Variants in TENM4 observed in about 807,000 individuals in gnomAD.
TENM4 encodes the protein teneurin transmembrane protein 4.
In TENM4, 82 loss-of-function variants were observed where a neutral mutation model predicts 243.3. The observed-to-expected ratio is 0.34, with a 90% CI of 0.28 to 0.40. The LOEUF is 0.40. Among genes scored for constraint, TENM4 ranks in the 10% least tolerant of loss-of-function variants. The pLI, the probability that TENM4 is intolerant of heterozygous loss-of-function variation, is 1.00. For missense variants in TENM4, 3,138 were observed against 3,673.3 expected, an observed-to-expected ratio of 0.85 and a Z score of 3.77; for synonymous variants, 1,412 against 1,456.3, an observed-to-expected ratio of 0.97 and a Z score of 0.69.
chr11:78,909,904 T>TG (rs1306084676), intron 6 of TENM4, among the ~76,000 whole-genome samples: 4 of 151,526 alleles, frequency 2.6e-5, no homozygotes, highest in African/African-American at 4.9e-5. Flanking sequence ...ATCCAGAGGG[T>TG]GGGGGGTCAC....
chr11:78,977,952 C>T (rs556499982), intron 6 of TENM4, among the ~76,000 whole-genome samples: 1 of 152,242 alleles, frequency 6.6e-6, no homozygotes, highest in South Asian at 2.1e-4. Context: ...TTGGAGCCAA[C>T]CCAAATGCTC....
chr11:79,222,093 A>C (rs1295441855), intron 2 of TENM4, among the ~76,000 whole-genome samples: 1 of 152,252 alleles, frequency 6.6e-6, no homozygotes, highest in Non-Finnish European at 1.5e-5. Flanking sequence ...GTGTGCTGTG[A>C]AAATCTGAAC....
At chr11:78,984,170 A>T (rs1395181809) in intron 6 of TENM4, among the ~76,000 whole-genome samples, 2 of 152,176 alleles carry the variant, frequency 1.3e-5, no homozygotes, top group Non-Finnish European at 2.9e-5. Flanking sequence ...GTAATCTGTA[A>T]TAGGTGACTT....
chr11:79,408,827 T>C (rs1858627232), intron 1 of TENM4, among the ~76,000 whole-genome samples: 2 of 152,178 alleles, frequency 1.3e-5, no homozygotes, highest in Non-Finnish European at 2.9e-5. Flanking sequence ...AGGGCAGCTC[T>C]TTTCCCAGCA....
At chr11:79,181,502 C>A (rs987842847) in intron 3 of TENM4, among the ~76,000 whole-genome samples, 1 of 152,050 alleles carries the variant, frequency 6.6e-6, no homozygotes, top group Admixed American at 6.5e-5. Flanking sequence ...GAGAGAAATT[C>A]AAAGCTTTTC....
At chr11:79,259,636 CCCAT>C (rs71050215) in intron 2 of TENM4, among the ~76,000 whole-genome samples, 4 of 141,866 alleles carry the variant, frequency 2.8e-5, no homozygotes, top group Admixed American at 1.4e-4. Context: ...CATCCACTCC[CCCAT>C]CCATCCATCC....
At chr11:78,672,450 T>C in intron 30 of TENM4, 121 bp from the exon 31 acceptor site, 1 of 1,034,420 alleles carries the variant, frequency 9.7e-7, no homozygotes, top group Admixed American at 2.5e-5. Flanking sequence ...AGCACAGTCC[T>C]GCGCAGCAAC....
chr11:78,935,999 T>C (rs1400166697), intron 6 of TENM4, among the ~76,000 whole-genome samples: 1 of 152,210 alleles, frequency 6.6e-6, no homozygotes, highest in African/African-American at 2.4e-5. Context: ...TGATTCCATC[T>C]GTAAAATTCA....
Position 79,072,956 on chromosome 11 carries a change from T to C in TENM4, c.-65-2947A>G, listed in dbSNP as rs143287255. 2.1e-3 allele frequency among the ~76,000 whole-genome samples: 317 copies of C among 152,358 alleles called. 5 individuals are homozygous for C. Among genetic ancestry groups the C allele is most frequent in the Middle Eastern group, 0.017 (5 of 294 alleles). ...ATATTTAATTATTGCTTGCTTTTAC[T>C]ATGATTATATATAACATCTTTAATC... is the stretch of plus-strand genomic sequence containing the variant. On this transcript the variant is annotated intron_variant, in intron 4 of 33. Coordinates refer to ENST00000278550, the MANE Select transcript of TENM4 (RefSeq NM_001098816.3).
At chr11:79,251,601 T>C (rs1239814082) in intron 2 of TENM4, among the ~76,000 whole-genome samples, 1 of 151,864 alleles carries the variant, frequency 6.6e-6, no homozygotes, top group African/African-American at 2.4e-5. Context: ...CACCTGAAAA[T>C]GAGATTACAA....
intron 15 of TENM4, among the ~76,000 whole-genome samples, chr11:78,796,099 G>A (rs910695353): frequency 6.6e-6 from 1 of 152,074 alleles, no homozygotes; most frequent in African/African-American, 2.4e-5. Flanking sequence ...AAACCAAGCA[G>A]AAAAGTGGAT....
rs559631540 is a variant in TENM4 at position 79,005,024 on chromosome 11, A to G, written c.493+59714T>C. Among the ~76,000 whole-genome samples, 4 of 152,074 alleles carry G rather than the reference A, an allele frequency of 2.6e-5. No homozygotes were observed. The South Asian group carries it at 6.3e-4, about 24-fold the overall frequency. On this transcript the variant is annotated intron_variant, in intron 6 of 33. Transcript: ENST00000278550. ...CTAGAAAACTAAGTAGGAATTGATA[A>G]ATTCCTCAAAACATACAATGTCCCC...
chr11:79,120,911 C>T lies in TENM4; in HGVS notation c.-66+27799G>A, dbSNP rs142800662. Reference sequence around the variant, plus strand: ...CAGCAAATCTATGAGATAGACATTACTGTTATCCCATTTTGCAGATGATAA... The same window carrying T: ...CAGCAAATCTATGAGATAGACATTATTGTTATCCCATTTTGCAGATGATAA... On this transcript the variant is annotated intron_variant, in intron 4 of 33. Transcript: ENST00000278550. Among the ~76,000 whole-genome samples, 21 of 152,300 alleles carry T rather than the reference C, an allele frequency of 1.4e-4. 1 individual carries two copies. Among genetic ancestry groups the T allele is most frequent in the Admixed American group, 9.2e-4 (14 of 15,300 alleles).
chr11:79,367,324 T>C (rs867221253), intron 1 of TENM4, among the ~76,000 whole-genome samples: 68 of 152,336 alleles, frequency 4.5e-4, no homozygotes, highest in African/African-American at 1.6e-3. Flanking sequence ...ATACTCTCAT[T>C]GGAGGATTCC....
intron 1 of TENM4, among the ~76,000 whole-genome samples, chr11:79,312,077 A>T (rs1856731397): frequency 6.6e-6 from 1 of 151,994 alleles, no homozygotes; most frequent in Admixed American, 6.6e-5. Flanking sequence ...AGCCTTCAAA[A>T]CCCACAGGAA....
intron 6 of TENM4, among the ~76,000 whole-genome samples, chr11:79,056,933 A>G (rs1859959219): frequency 6.6e-6 from 1 of 152,222 alleles, no homozygotes; most frequent in Non-Finnish European, 1.5e-5. Context: ...TTTTGGTCAC[A>G]GAATTTAAGA....
chr11:79,243,449 TAAAC>T lies in TENM4; in HGVS notation c.-264-27544_-264-27541del, dbSNP rs536416370. On this transcript the variant is annotated intron_variant, in intron 2 of 33. Transcript: ENST00000278550. ...CCCAATCAGAGGGCAATGCTGAATT[TAAAC>T]AAACAAACAAAAAATGAAACACTTC... Among the ~76,000 whole-genome samples, 137 of 152,236 alleles carry T rather than the reference TAAAC, an allele frequency of 9.0e-4. 2 individuals are homozygous for T. Among genetic ancestry groups the T allele is most frequent in the African/African-American group, 3.2e-3 (134 of 41,526 alleles).
intron 4 of TENM4, among the ~76,000 whole-genome samples, chr11:79,090,962 G>T (rs1860932342): frequency 6.6e-6 from 1 of 152,202 alleles, no homozygotes; most frequent in Non-Finnish European, 1.5e-5. Flanking sequence ...TTCTGGGGTT[G>T]TGGGGGAGTC....
At position 79,438,840 on chromosome 11, in the gene TENM4, C is replaced by T. The variant is rs1859334294; in HGVS notation, c.-321+1669G>A. On this transcript the variant is annotated intron_variant, in intron 1 of 33. Transcript: ENST00000278550. The surrounding 1 kb of genome is among the most constrained non-coding windows in gnomAD (Gnocchi z 4.1). Reference sequence around the variant, plus strand: ...CCGGATGCCCCCACTTAGTCCCTGCCTCGGTAACCGGTTCTTTGGGGACAG... The same window carrying T: ...CCGGATGCCCCCACTTAGTCCCTGCTTCGGTAACCGGTTCTTTGGGGACAG... The T allele has an allele frequency of 6.6e-6, 1 of 152,256 alleles. No individual in the cohort carries two copies. Among genetic ancestry groups the T allele is most frequent in the African/African-American group, 2.4e-5 (1 of 41,436 alleles). The allele number at this position is 152,256 out of a possible 1,614,324, so 9.4% of individuals were successfully genotyped here.
Sources: gnomAD v4.1 joint callset for allele counts (sites outside exome capture counted in the v4.1 genomes callset) on GRCh38, gnomAD v4.1.1 for gene constraint, Gnocchi (gnomAD v3.1) non-coding constraint, MANE v1.5 for transcripts, NCBI Gene and HGNC (gene_info 2026-07-23, HGNC 2026-07-21) for gene names.